ASH1L: variants seen among roughly 807,000 people sequenced by gnomAD.
ASH1L encodes ASH1 like histone lysine methyltransferase.
In ASH1L, 23 loss-of-function variants were observed where a neutral mutation model predicts 269.0. The observed-to-expected ratio is 0.09, with a 90% CI of 0.06 to 0.12. The LOEUF (loss-of-function observed/expected upper bound fraction) is 0.12, where lower values mean the gene tolerates loss of function less well. Among genes scored for constraint, ASH1L ranks in the 10% least tolerant of loss-of-function variants. The pLI is 1.00. For synonymous variants in ASH1L, 1,187 were observed against 1,253.5 expected, an observed-to-expected ratio of 0.95 and a Z score of 1.12; for missense variants, 2,912 against 3,567.8, an observed-to-expected ratio of 0.82 and a Z score of 4.68.
Position 155,342,013 on chromosome 1 carries a change from T to C in ASH1L, c.8383A>G (p.Asn2795Asp). 2 of 1,613,596 alleles carry C rather than the reference T, an allele frequency of 1.2e-6. No individual in the cohort carries two copies. The highest frequency in any genetic ancestry group is 1.7e-6 in the Non-Finnish European group (2 of 1,179,560). Residue 2795 changes from asparagine to aspartate, a missense_variant, in exon 25 of 28, where the codon AAC becomes GAC. Physicochemically the swap from Asn to Asp is conservative, Grantham distance 23. Transcript: ENST00000392403. ...SAHLFYKIHR[N>D]RYPVCTKPYA... is the part of the protein sequence containing the mutation. ...GGTTTGGTGCAGACAGGATAGCGGT[T>C]CCGGTGGATCTTGTAAAACAGGTGT...
intron 5 of ASH1L, among the ~76,000 whole-genome samples, chr1:155,427,605 A>G (rs569444301): frequency 4.9e-5 from 7 of 141,838 alleles, no homozygotes; most frequent in Admixed American, 4.9e-4. Flanking sequence ...CGCCCGGCTA[A>G]TTTTTCTATT....
rs1233978090 is a variant in ASH1L at position 155,357,354 on chromosome 1, G to T, written c.7017C>A (p.Thr2339=). ...ACATTGGCTTCATCTGTAATTGGGG[G>T]GTCAATCTAGTTGGGGTGTTGATAT... ...SENINTPTRL[T]PQLQMKPMSN... is the part of the protein sequence containing the mutation. The change falls in exon 15 of 28, where the codon ACC becomes ACA. Residue 2339 remains threonine, a synonymous_variant. Coordinates refer to ENST00000392403, the MANE Select transcript of ASH1L (RefSeq NM_018489.3). 2 of 1,613,538 alleles carry T rather than the reference G, an allele frequency of 1.2e-6. No homozygotes were observed. The highest frequency in any genetic ancestry group is 1.7e-6 in the Non-Finnish European group (2 of 1,179,934).
intron 6 of ASH1L, among the ~76,000 whole-genome samples, chr1:155,407,269 A>G (rs544103913): frequency 6.6e-5 from 10 of 152,338 alleles, no homozygotes; most frequent in African/African-American, 2.4e-4. Context: ...ATTAATAAAC[A>G]TATAATCGTT....
chr1:155,521,322 C>T lies in ASH1L; in HGVS notation c.198G>A (p.Leu66=), dbSNP rs1327348408. The T allele has an allele frequency of 1.9e-6, 3 of 1,614,086 alleles. No individual in the cohort carries two copies. Among genetic ancestry groups the T allele is most frequent in the South Asian group, 1.1e-5 (1 of 91,064 alleles). The stretch of plus-strand genomic sequence containing the variant: ...CTGAAAACTGTTGCTGTGCATCAGT[C>T]AAACCATCATCTTTCCCAGCTTCGA... ...RNIEAGKDDG[L]TDAQQQFSVK... The change falls in exon 2 of 28, where the codon TTG becomes TTA. Residue 66 remains leucine, a synonymous_variant. Transcript: ENST00000392403.
chr1:155,479,223 T>C lies in ASH1L; in HGVS notation c.3647A>G (p.Lys1216Arg), dbSNP rs1431354298. ...DNNSTSDRAE[K>R]FCGQKKRRHS... ...CCTCCTCTTTTTTTGCCCACAAAAT[T>C]TCTCTGCCCTGTCTGATGTGCTGTT... Residue 1216 changes from lysine to arginine, a missense_variant, in exon 3 of 28, where the codon AAA (lysine) becomes AGA (arginine). Transcript: ENST00000392403. The C allele has an allele frequency of 1.9e-6, 3 of 1,614,024 alleles. No individual in the cohort carries two copies. Among genetic ancestry groups the C allele is most frequent in the Admixed American group, 3.3e-5 (2 of 59,998 alleles).
intron 25 of ASH1L, 23 bp from the exon 26 acceptor site, chr1:155,339,391 G>A: frequency 6.2e-7 from 1 of 1,612,646 alleles, no homozygotes; most frequent in Non-Finnish European, 8.5e-7. Flanking sequence ...AAAGGAAGAG[G>A]TAAGCATATT....
intron 3 of ASH1L, among the ~76,000 whole-genome samples, chr1:155,473,490 C>CTTTTT (rs1198354857): frequency 7.0e-6 from 1 of 142,350 alleles, no homozygotes; most frequent in African/African-American, 2.9e-5. Context: ...TGTAGTATTT[C>CTTTTT]TATTTTTTTT....
chr1:155,352,228 C>A (rs931881606), intron 17 of ASH1L, among the ~76,000 whole-genome samples: 1 of 140,224 alleles, frequency 7.1e-6, no homozygotes, highest in Non-Finnish European at 1.5e-5. Flanking sequence ...TTTGGGAGGT[C>A]GAGGCAGAAG....
At chr1:155,470,319 C>T (rs1429839418) in intron 3 of ASH1L, among the ~76,000 whole-genome samples, 1 of 151,872 alleles carries the variant, frequency 6.6e-6, no homozygotes, top group Non-Finnish European at 1.5e-5. Flanking sequence ...ATTAGCTGGG[C>T]ATGGTGGCAC....
Position 155,434,696 on chromosome 1 carries a change from CA to C in ASH1L, c.5828+3630del, listed in dbSNP as rs1175575538. On this transcript the variant is annotated intron_variant, in intron 5 of 27. Transcript: ENST00000392403. ...TAAAAACCCGTCTCTACTAAAAATA[CA>C]AAAAAATTAGCCAGGCATGGTGGTG... Among the ~76,000 whole-genome samples the C allele has an allele frequency of 2.0e-5, 3 of 151,680 alleles. No homozygotes were observed. In the East Asian group the frequency reaches 5.8e-4, roughly 29 times the overall value.
In ASH1L at chr1:155,478,760, A is replaced by G. The variant is rs1247529569; in HGVS notation, c.4110T>C (p.Ser1370=). ...MAEMPFMHSL[S]FPLSSTGFYP... is the part of the protein sequence containing the mutation. ...AGAATCCAGTACTAGAAAGAGGAAA[A>G]CTAAGGCTGTGCATAAAAGGCATTT... The change falls in exon 3 of 28, where the codon AGT becomes AGC. Residue 1370 remains serine, a synonymous_variant. Transcript: ENST00000392403. This position sits in a 1 kb window ranked among gnomAD's most constrained non-coding sequence, Gnocchi z 4.6. 4 of 1,614,068 alleles carry G rather than the reference A, an allele frequency of 2.5e-6. No individual in the cohort carries two copies. The South Asian group carries it at 4.4e-5, about 18-fold the overall frequency.
intron 3 of ASH1L, among the ~76,000 whole-genome samples, chr1:155,473,942 T>C (rs1273587340): frequency 1.3e-5 from 2 of 152,136 alleles, no homozygotes; most frequent in East Asian, 3.9e-4. Flanking sequence ...TTCAAGGGAT[T>C]CTCCTGCCTC....
intron 1 of ASH1L, among the ~76,000 whole-genome samples, chr1:155,560,414 A>C (rs1338511724): frequency 6.6e-6 from 1 of 152,166 alleles, no homozygotes; most frequent in Non-Finnish European, 1.5e-5. Flanking sequence ...CATAGAGGGG[A>C]TTCTTACTAT....
chr1:155,555,840 C>CTATATA lies in ASH1L; in HGVS notation c.-100+6312_-100+6313insTATATA, dbSNP rs202005768. On this transcript the variant is annotated intron_variant, in intron 1 of 27. Transcript: ENST00000392403. ...ATACTTAAAAGTTATATAAACCTAA[C>CTATATA]TATGAAGGAGTAATTCCTCACTTAA... 1.7e-3 allele frequency among the ~76,000 whole-genome samples: 261 copies of CTATATA among 152,252 alleles called. 3 individuals carry two copies. The East Asian group carries it at 0.044, about 26-fold the overall frequency.
intron 7 of ASH1L, among the ~76,000 whole-genome samples, chr1:155,389,561 TAC>T (rs1657734103): frequency 1.3e-5 from 2 of 151,832 alleles, no homozygotes; most frequent in Admixed American, 1.3e-4. Flanking sequence ...CAGTCCCAGA[TAC>T]TCAGGAGGCT....
intron 1 of ASH1L, among the ~76,000 whole-genome samples, chr1:155,532,965 GGAGAGA>G (rs10679513): frequency 9.2e-5 from 13 of 142,074 alleles, no homozygotes; most frequent in South Asian, 2.3e-4. Context: ...ATATATGGGG[GGAGAGA>G]GAGAGAGAGA....
Position 155,439,079 on chromosome 1 carries a change from C to A in ASH1L, c.5087-11G>T, listed in dbSNP as rs376049553. The A allele has an allele frequency of 2.3e-5, 37 of 1,585,258 alleles. No homozygotes were observed. The highest frequency in any genetic ancestry group is 3.0e-5 in the Non-Finnish European group (35 of 1,167,342). On this transcript the variant is annotated splice_polypyrimidine_tract_variant and intron_variant, in intron 4 of 27. Transcript: ENST00000392403. ...AGGGAACTCCGTTTACTGAAAGAGA[C>A]AATAAATCACACATAGACAAAATTG... is the stretch of plus-strand genomic sequence containing the variant.
rs1662277842 is a variant in ASH1L, at chr1:155,438,472, C to G, written c.5683G>C (p.Asp1895His). The change falls in exon 5 of 28, where the codon GAT (aspartate) becomes CAT (histidine). Residue 1895 changes from aspartate to histidine, a missense_variant. Coordinates refer to ENST00000392403, the MANE Select transcript of ASH1L (RefSeq NM_018489.3). ...ALHLSPDTVT[D>H]VIEAVVQSVN... ...CTCTGAACAACAGCCTCAATTACAT[C>G]TGTAACTGTGTCAGGACTGAGGTGC... is the stretch of plus-strand genomic sequence containing the variant. 6.2e-7 allele frequency: 1 copy of G among 1,613,978 alleles called. No homozygotes were observed. The highest frequency in any genetic ancestry group is 8.5e-7 in the Non-Finnish European group (1 of 1,179,978).
At chr1:155,555,448 G>C (rs1158245272) in intron 1 of ASH1L, among the ~76,000 whole-genome samples, 1 of 139,404 alleles carries the variant, frequency 7.2e-6, no homozygotes, top group Non-Finnish European at 1.5e-5. Context: ...AGTGAGCCGA[G>C]ATTGCGCCAC....
Sources: gnomAD v4.1 joint callset for allele counts (sites outside exome capture counted in the v4.1 genomes callset) on GRCh38, gnomAD v4.1.1 for gene constraint, Gnocchi (gnomAD v3.1) non-coding constraint, MANE v1.5 for transcripts, NCBI Gene and HGNC (gene_info 2026-07-23, HGNC 2026-07-21) for gene names.